Variants in TRAPPC9 observed in about 807,000 individuals in gnomAD.
TRAPPC9 encodes IKK2 binding protein.
A neutral mutation model predicts 124.0 loss-of-function variants in TRAPPC9; 83 were observed. The observed-to-expected ratio is 0.67, with a 90% confidence interval of 0.56 to 0.80. The LOEUF (loss-of-function observed/expected upper bound fraction) is 0.80, where lower values mean the gene tolerates loss of function less well. TRAPPC9 is among the 30% of genes least tolerant of loss of function. TRAPPC9 has a pLI of 0.00. For missense variants in TRAPPC9, 1,302 were observed against 1,508.3 expected, an observed-to-expected ratio of 0.86 and a Z score of 2.27; for synonymous variants, 638 against 617.5, an observed-to-expected ratio of 1.03 and a Z score of -0.49.
chr8:140,390,529 C>T lies in TRAPPC9; in HGVS notation c.1134+7091G>A, dbSNP rs1264106491. ...TTTATTTTAGTCCTCTCCCTCTTTC[C>T]TCACTTTATTGGGCTTCAAATGGAG... On this transcript the variant is annotated intron_variant, in intron 7 of 22. Coordinates refer to ENST00000438773, the MANE Select transcript of TRAPPC9 (RefSeq NM_001160372.4). Among the ~76,000 whole-genome samples the T allele has an allele frequency of 2.6e-5, 4 of 152,112 alleles. No homozygotes were observed. The East Asian group carries it at 7.7e-4, about 29-fold the overall frequency.
chr8:140,164,813 C>T (rs1425382183), intron 17 of TRAPPC9, among the ~76,000 whole-genome samples: 2 of 152,204 alleles, frequency 1.3e-5, no homozygotes, highest in Non-Finnish European at 2.9e-5. Flanking sequence ...TGATGTGTGT[C>T]CATTTTATCA....
intron 21 of TRAPPC9, among the ~76,000 whole-genome samples, chr8:139,839,815 C>T (rs373199597): frequency 5.9e-5 from 9 of 152,090 alleles, no homozygotes; most frequent in East Asian, 1.9e-4. Flanking sequence ...TGGCCTATTC[C>T]GGAGACAGAA....
At chr8:140,076,128 C>T (rs556304850) in intron 17 of TRAPPC9, among the ~76,000 whole-genome samples, 35 of 152,338 alleles carry the variant, frequency 2.3e-4, no homozygotes, top group African/African-American at 8.2e-4. Flanking sequence ...GCAAGCTGTC[C>T]AACCACTCTT....
intron 21 of TRAPPC9, among the ~76,000 whole-genome samples, chr8:139,842,245 C>T (rs1347428454): frequency 6.6e-6 from 1 of 152,218 alleles, no homozygotes; most frequent in Non-Finnish European, 1.5e-5. Flanking sequence ...AATGTTGCTG[C>T]TGCTGGCCTT....
In TRAPPC9 at chr8:140,125,305, G is replaced by A. The variant is rs1213847697; in HGVS notation, c.2556+96154C>T. Among the ~76,000 whole-genome samples, 3 of 152,206 alleles carry A rather than the reference G, an allele frequency of 2.0e-5. No homozygotes were observed. In the East Asian group the frequency reaches 5.8e-4, roughly 29 times the overall value. Reference sequence around the variant, plus strand: ...AAAGATCACTCTGGAAATAGGGGAGGCACCGAAAGGAGTGCTGCTCAGCAG... The same window carrying A: ...AAAGATCACTCTGGAAATAGGGGAGACACCGAAAGGAGTGCTGCTCAGCAG... On this transcript the variant is annotated intron_variant, in intron 17 of 22. Coordinates refer to ENST00000438773, the MANE Select transcript of TRAPPC9 (RefSeq NM_001160372.4).
intron 17 of TRAPPC9, among the ~76,000 whole-genome samples, chr8:140,136,245 A>C (rs1462771564): frequency 6.6e-6 from 1 of 152,150 alleles, no homozygotes; most frequent in African/African-American, 2.4e-5. Flanking sequence ...TTCAGGTTCC[A>C]CTGGAAAAAG....
intron 6 of TRAPPC9, 96 bp downstream of exon 6, chr8:140,405,480 AT>A: frequency 7.5e-7 from 1 of 1,329,650 alleles, no homozygotes; most frequent in South Asian, 1.2e-5. Flanking sequence ...ACAGAAATAA[AT>A]AATTAAGAGA....
At chr8:140,125,849 C>T (rs910671676) in intron 17 of TRAPPC9, among the ~76,000 whole-genome samples, 6 of 152,164 alleles carry the variant, frequency 3.9e-5, no homozygotes, top group Non-Finnish European at 2.9e-5. Flanking sequence ...GATTAGACAT[C>T]TCCTTTGAGC....
At chr8:140,368,003 C>T (rs533033722) in intron 8 of TRAPPC9, among the ~76,000 whole-genome samples, 5 of 152,298 alleles carry the variant, frequency 3.3e-5, no homozygotes, top group Admixed American at 6.5e-5. Flanking sequence ...TCATAAACCT[C>T]GTCTCAGAGC....
intron 21 of TRAPPC9, among the ~76,000 whole-genome samples, chr8:139,744,559 A>T (rs1169605743): frequency 6.6e-6 from 1 of 151,882 alleles, no homozygotes; most frequent in Non-Finnish European, 1.5e-5. Context: ...AGCTGGCTAC[A>T]CTCCCGCTGA....
chr8:140,409,579 A>G (rs959534437), intron 5 of TRAPPC9, among the ~76,000 whole-genome samples: 1 of 152,216 alleles, frequency 6.6e-6, no homozygotes, highest in African/African-American at 2.4e-5. Flanking sequence ...AGAGTGGTGA[A>G]ATAAAACCCG....
intron 19 of TRAPPC9, among the ~76,000 whole-genome samples, chr8:139,956,897 C>G (rs1298064660): frequency 1.3e-5 from 2 of 152,188 alleles, no homozygotes; most frequent in African/African-American, 4.8e-5. Context: ...TCAGTTAACC[C>G]ACAAATCTGA....
intron 21 of TRAPPC9, among the ~76,000 whole-genome samples, chr8:139,755,963 TTTGGGGATGAGGACCGCAGGTC>T (rs1563789227): frequency 3.3e-5 from 3 of 90,232 alleles, no homozygotes; most frequent in South Asian, 8.3e-4. Context: ...GGAGCCAGGG[TTTGGGGATGAGGACCGCAGGTC>T]GCAGGAGGAG....
chr8:139,935,984 C>T (rs149106932), intron 19 of TRAPPC9, among the ~76,000 whole-genome samples: 158 of 152,332 alleles, frequency 1.0e-3, no homozygotes, highest in African/African-American at 3.6e-3. Context: ...GGGAAGCCTG[C>T]ACCATGTGGG....
intron 8 of TRAPPC9, among the ~76,000 whole-genome samples, chr8:140,367,098 A>G (rs759339174): frequency 9.8e-5 from 15 of 152,366 alleles, no homozygotes; most frequent in South Asian, 2.1e-4. Context: ...GTGGAGCAGC[A>G]GGAACTCTCA....
intron 17 of TRAPPC9, among the ~76,000 whole-genome samples, chr8:140,188,446 G>T (rs573086962): frequency 6.6e-6 from 1 of 152,294 alleles, no homozygotes; most frequent in East Asian, 1.9e-4. Context: ...TTACTTCTCA[G>T]CACAGCTGTT....
intron 17 of TRAPPC9, among the ~76,000 whole-genome samples, chr8:140,035,840 C>T (rs896712122): frequency 2.0e-4 from 30 of 152,316 alleles, no homozygotes; most frequent in Admixed American, 2.6e-4. Flanking sequence ...CCAGGCAAGG[C>T]GGTAAACTGA....
chr8:140,007,717 T>C (rs1406804179), intron 18 of TRAPPC9, among the ~76,000 whole-genome samples: 1 of 152,204 alleles, frequency 6.6e-6, no homozygotes, highest in Non-Finnish European at 1.5e-5. Context: ...GGCTTTGAAA[T>C]GTATTTAAAA....
intron 17 of TRAPPC9, among the ~76,000 whole-genome samples, chr8:140,088,067 C>T (rs532272839): frequency 4.2e-4 from 64 of 152,170 alleles, no homozygotes; most frequent in Non-Finnish European, 2.9e-5. Flanking sequence ...TCAAGAGATG[C>T]TCCTTGGTCA....
Sources: gnomAD v4.1 joint callset for allele counts (sites outside exome capture counted in the v4.1 genomes callset) on GRCh38, gnomAD v4.1.1 for gene constraint, MANE v1.5 for transcripts, NCBI Gene and HGNC (gene_info 2026-07-23, HGNC 2026-07-21) for gene names.